The following AGBL1 variants were observed in gnomAD, a reference collection of about 807,000 sequenced individuals.
The protein encoded by AGBL1 is cytosolic carboxypeptidase 4.
In AGBL1, 130 loss-of-function variants were observed where a neutral mutation model predicts 118.9. That is an observed-to-expected ratio of 1.09 (90% confidence interval 0.95 to 1.26). The LOEUF is 1.26. AGBL1 is among the 50% of genes most tolerant of loss of function. AGBL1 has a pLI of 0.00. For missense variants in AGBL1, 1,584 were observed against 1,298.1 expected (o/e 1.22, Z -3.38); for synonymous variants, 555 against 478.9 (o/e 1.16, Z -2.08).
At chr15:86,779,746 T>C (rs1393773114) in intron 22 of AGBL1, among the ~76,000 whole-genome samples, 1 of 152,190 alleles carries the variant, frequency 6.6e-6, no homozygotes, top group African/African-American at 2.4e-5. Context: ...CATTGTGGTT[T>C]AATTTCCATT....
intron 22 of AGBL1, among the ~76,000 whole-genome samples, chr15:86,855,860 A>C (rs1223839731): frequency 1.3e-5 from 2 of 152,176 alleles, no homozygotes; most frequent in Non-Finnish European, 2.9e-5. Context: ...CCCTGCTCAG[A>C]TCTGCAGAGG....
At chr15:86,775,296 A>T (rs567833440) in intron 22 of AGBL1, among the ~76,000 whole-genome samples, 17 of 152,294 alleles carry the variant, frequency 1.1e-4, no homozygotes, top group African/African-American at 3.1e-4. Context: ...CAGATGTGGT[A>T]TAGAGTGAGA....
chr15:87,004,434 A>G (rs1215644928), intron 24 of AGBL1, among the ~76,000 whole-genome samples: 1 of 152,134 alleles, frequency 6.6e-6, no homozygotes. Flanking sequence ...TCCCTTTACC[A>G]TTATGTAATG....
intron 18 of AGBL1, among the ~76,000 whole-genome samples, chr15:86,509,818 T>A (rs1287581740): frequency 1.3e-5 from 2 of 152,098 alleles, no homozygotes; most frequent in African/African-American, 4.8e-5. Flanking sequence ...ATAGAGATCA[T>A]GTGTTCTAAT....
intron 21 of AGBL1, among the ~76,000 whole-genome samples, chr15:86,572,080 G>A (rs2084017933): frequency 6.6e-6 from 1 of 152,226 alleles, no homozygotes; most frequent in Non-Finnish European, 1.5e-5. Context: ...TGGCCAGGCT[G>A]TGACATTGCC....
At chr15:86,594,494 AT>A (rs1334203097) in intron 21 of AGBL1, among the ~76,000 whole-genome samples, 1 of 152,198 alleles carries the variant, frequency 6.6e-6, no homozygotes, top group Non-Finnish European at 1.5e-5. Context: ...TCTCTGAAAT[AT>A]TTACTAGAAT....
rs11858346 is a variant in AGBL1, at chr15:86,305,983, T to C, written c.2374+10575T>C. On this transcript the variant is annotated intron_variant, in intron 17 of 22. Transcript: ENST00000614907. Reference sequence around the variant, plus strand: ...CTGTCTTCTGCATTTTTATACTTAATAGTTTTTAAAATTTTTTTTAATTTA... The same window carrying C: ...CTGTCTTCTGCATTTTTATACTTAACAGTTTTTAAAATTTTTTTTAATTTA... Among the ~76,000 whole-genome samples the C allele has an allele frequency of 5.5e-3, 839 of 152,138 alleles. 9 individuals carry two copies. The highest frequency in any genetic ancestry group is 0.02 in the African/African-American group (811 of 41,510).
At chr15:86,487,162 T>G (rs2082723582) in intron 18 of AGBL1, among the ~76,000 whole-genome samples, 1 of 152,048 alleles carries the variant, frequency 6.6e-6, no homozygotes, top group Non-Finnish European at 1.5e-5. Flanking sequence ...GGAGAGCATT[T>G]TATAATCAGG....
At chr15:86,499,787 A>G (rs2082897668) in intron 18 of AGBL1, among the ~76,000 whole-genome samples, 1 of 151,924 alleles carries the variant, frequency 6.6e-6, no homozygotes, top group Admixed American at 6.6e-5. Flanking sequence ...ACTGCCAACA[A>G]GGTAAGTGAA....
At chr15:86,220,805 A>G (rs1369545495) in intron 5 of AGBL1, among the ~76,000 whole-genome samples, 1 of 152,142 alleles carries the variant, frequency 6.6e-6, no homozygotes, top group Non-Finnish European at 1.5e-5. Context: ...TGGCACTTCT[A>G]CTTTCTATCT....
intron 21 of AGBL1, among the ~76,000 whole-genome samples, chr15:86,644,054 T>A (rs2469181): frequency 0.43 from 65,022 of 151,998 alleles, 14,792 homozygotes; most frequent in Middle Eastern, 0.58. Flanking sequence ...CTTAAAAAAA[T>A]TTAACGTTTA....
At chr15:86,344,043 C>T (rs1156688226) in intron 17 of AGBL1, among the ~76,000 whole-genome samples, 1 of 152,214 alleles carries the variant, frequency 6.6e-6, no homozygotes, top group African/African-American at 2.4e-5. Context: ...CTCACTCTCC[C>T]TGTGCTGTGG....
chr15:86,863,895 G>A (rs756038934), intron 22 of AGBL1, among the ~76,000 whole-genome samples: 7 of 152,142 alleles, frequency 4.6e-5, no homozygotes, highest in Non-Finnish European at 8.8e-5. Context: ...CCATTTCATA[G>A]GTTTGTTACG....
rs183521636 is a variant in AGBL1 at position 86,167,749 on chromosome 15, G to A, written c.488+8723G>A. On this transcript the variant is annotated intron_variant, in intron 5 of 22. Transcript: ENST00000614907. ...CTGGGAAGGAAAGGGTCAAAAGGAG[G>A]CCATCACACAAATGTGTAGCCATGG... 3.5e-4 allele frequency among the ~76,000 whole-genome samples: 54 copies of A among 152,318 alleles called. No homozygotes were observed. The East Asian group carries it at 0.01, about 29-fold the overall frequency.
chr15:86,808,847 C>G (rs1288113386), intron 22 of AGBL1, among the ~76,000 whole-genome samples: 1 of 151,602 alleles, frequency 6.6e-6, no homozygotes, highest in Non-Finnish European at 1.5e-5. Context: ...TTTTAGTTGT[C>G]TCTCTGCTTT....
rs758599905 is a variant in AGBL1, at chr15:86,613,250, G to A, written c.2994+58713G>A. ...AAGCAGGAATCGGAGCGAGAGGTTTGTTGGTTTTGGAACGTAAGATCCCAA... is the reference window on the plus strand; with the variant it reads ...AAGCAGGAATCGGAGCGAGAGGTTTATTGGTTTTGGAACGTAAGATCCCAA... On this transcript the variant is annotated intron_variant, in intron 21 of 22. Transcript: ENST00000614907. This position sits in a 1 kb window ranked among gnomAD's most constrained non-coding sequence, Gnocchi z 4.2. 1.2e-4 allele frequency among the ~76,000 whole-genome samples: 19 copies of A among 152,206 alleles called. No homozygotes were observed. The highest frequency in any genetic ancestry group is 2.8e-4 in the Non-Finnish European group (19 of 68,048).
chr15:86,663,697 C>T (rs2085587952), intron 21 of AGBL1, among the ~76,000 whole-genome samples: 2 of 152,114 alleles, frequency 1.3e-5, no homozygotes, highest in African/African-American at 2.4e-5. Context: ...ATAAGAAAGA[C>T]TGACCTCCAG....
chr15:86,979,646 G>A (rs1567270291), intron 23 of AGBL1, among the ~76,000 whole-genome samples: 1 of 146,854 alleles, frequency 6.8e-6, no homozygotes. Context: ...CCGCCACCAC[G>A]CCCGGCTAAT....
rs530557355 is a variant in AGBL1 at position 87,007,020 on chromosome 15, G to A, written c.3323+18932G>A. ...GGAAAAACTAAGTCATGCTCTATCT[G>A]AATAATACTCCAGAGAAGGTACAAA... On this transcript the variant is annotated intron_variant, in intron 24 of 24. Transcript: ENST00000441037. 3.3e-3 allele frequency among the ~76,000 whole-genome samples: 504 copies of A among 152,194 alleles called. 3 individuals carry two copies. Among genetic ancestry groups the A allele is most frequent in the Middle Eastern group, 6.8e-3 (2 of 294 alleles).
Sources: gnomAD v4.1 joint callset for allele counts (sites outside exome capture counted in the v4.1 genomes callset) on GRCh38, gnomAD v4.1.1 for gene constraint, Gnocchi (gnomAD v3.1) non-coding constraint, MANE v1.5 for transcripts, NCBI Gene and HGNC (gene_info 2026-07-23, HGNC 2026-07-21) for gene names.